The following HNRNPC variants were observed in gnomAD, a reference collection of about 807,000 sequenced individuals.
HNRNPC encodes heterogeneous nuclear ribonucleoprotein C.
HNRNPC carries 3 observed loss-of-function variants against 33.2 expected under a neutral mutation model. The observed-to-expected ratio is 0.09, with a 90% CI of 0.04 to 0.23. HNRNPC has a LOEUF of 0.23. HNRNPC is among the 10% of genes least tolerant of loss of function. The pLI is 1.00. For missense variants in HNRNPC, 143 were observed against 366.7 expected (o/e 0.39, Z 4.98); for synonymous variants, 121 against 126.7 (o/e 0.96, Z 0.30).
At chr14:21,240,663 G>C (rs932137782) in intron 2 of HNRNPC, among the ~76,000 whole-genome samples, 2 of 152,162 alleles carry the variant, frequency 1.3e-5, no homozygotes, top group African/African-American at 4.8e-5. Flanking sequence ...TCAGGTCACA[G>C]GAGATAGGTG....
intron 2 of HNRNPC, among the ~76,000 whole-genome samples, chr14:21,241,461 T>C (rs528812475): frequency 2.4e-4 from 37 of 152,334 alleles, no homozygotes; most frequent in Non-Finnish European, 4.3e-4. Flanking sequence ...CTAAATTTTC[T>C]GTATTCCAAA....
chr14:21,232,820 G>A (rs1165803444), intron 3 of HNRNPC, among the ~76,000 whole-genome samples: 1 of 152,224 alleles, frequency 6.6e-6, no homozygotes, highest in African/African-American at 2.4e-5. Flanking sequence ...AGGATCACCT[G>A]AGGTCAAGAG....
chr14:21,256,723 C>T (rs910665990), intron 2 of HNRNPC, among the ~76,000 whole-genome samples: 1 of 151,722 alleles, frequency 6.6e-6, no homozygotes, highest in Non-Finnish European at 1.5e-5. Flanking sequence ...GGTGCGATCT[C>T]GGCTCACTGC....
intron 2 of HNRNPC, among the ~76,000 whole-genome samples, chr14:21,238,590 G>C (rs1027196659): frequency 6.6e-6 from 1 of 152,070 alleles, no homozygotes; most frequent in Admixed American, 6.6e-5. Flanking sequence ...AATTTTAAAA[G>C]GTTAATCACA....
chr14:21,220,476 G>A (rs552893420), intron 5 of HNRNPC, among the ~76,000 whole-genome samples: 20 of 152,178 alleles, frequency 1.3e-4, no homozygotes, highest in Non-Finnish European at 2.4e-4. Flanking sequence ...TGATCCGCTC[G>A]CCTCGGCCTC....
chr14:21,219,463 CT>C (rs1566600264), intron 5 of HNRNPC, among the ~76,000 whole-genome samples: 1 of 152,162 alleles, frequency 6.6e-6, no homozygotes. Flanking sequence ...CAGTACCTAC[CT>C]TTGTCAAAGG....
intron 5 of HNRNPC, among the ~76,000 whole-genome samples, chr14:21,213,978 G>C (rs1378041154): frequency 1.3e-5 from 2 of 152,128 alleles, no homozygotes; most frequent in East Asian, 3.8e-4. Flanking sequence ...CCAAAGCAGT[G>C]GCTTGGTACA....
intron 1 of HNRNPC, among the ~76,000 whole-genome samples, chr14:21,267,034 T>C (rs1879103421): frequency 1.4e-5 from 2 of 138,358 alleles, no homozygotes; most frequent in African/African-American, 2.7e-5. Context: ...GAGGTTGCAG[T>C]GAACCGAGAT....
At chr14:21,251,908 GATTTTAAA>G (rs1896724697) in intron 2 of HNRNPC, among the ~76,000 whole-genome samples, 2 of 152,104 alleles carry the variant, frequency 1.3e-5, no homozygotes, top group South Asian at 4.1e-4. Context: ...ATTTGTCAGA[GATTTTAAA>G]ATTTCTAAAT....
chr14:21,232,174 T>A (rs994261867), intron 3 of HNRNPC, among the ~76,000 whole-genome samples: 1 of 152,038 alleles, frequency 6.6e-6, no homozygotes, highest in African/African-American at 2.4e-5. Flanking sequence ...AAACAAGAAT[T>A]TATCTTCTCC....
chr14:21,254,335 T>C lies in HNRNPC; in HGVS notation c.-37+8976A>G, dbSNP rs114484404. ...GTAACTACTACAAATTTTTCAGAGA[T>C]CTGTATCTACTAACATAAGCTATTC... is the stretch of plus-strand genomic sequence containing the variant. On this transcript the variant is annotated intron_variant, in intron 2 of 8. Transcript: ENST00000553300. Among the ~76,000 whole-genome samples, 1,407 of 152,182 alleles carry C rather than the reference T, an allele frequency of 9.2e-3. 29 individuals carry two copies. Among genetic ancestry groups the C allele is most frequent in the African/African-American group, 0.031 (1,268 of 41,506 alleles).
At chr14:21,262,921 A>C (rs867297109) in intron 2 of HNRNPC, 3 of 152,254 alleles carry the variant, frequency 2.0e-5, no homozygotes, top group Admixed American at 2.0e-4. Context: ...AGATGCTCTA[A>C]AACAGTTAAG....
At chr14:21,242,138 A>C (rs1439516323) in intron 2 of HNRNPC, among the ~76,000 whole-genome samples, 1 of 152,216 alleles carries the variant, frequency 6.6e-6, no homozygotes, top group Admixed American at 6.5e-5. Context: ...CAAAATTTAA[A>C]AATGGCAGGA....
intron 2 of HNRNPC, chr14:21,263,016 G>GGGTT (rs1414832906): frequency 6.6e-6 from 1 of 152,004 alleles, no homozygotes; most frequent in African/African-American, 2.4e-5. Flanking sequence ...GGCAAGGGTG[G>GGGTT]GGTTGGGAGA....
At chr14:21,226,897 G>GAAA (rs1566608876) in intron 5 of HNRNPC, among the ~76,000 whole-genome samples, 1,652 of 52,068 alleles carry the variant, frequency 0.032, 26 homozygotes, top group African/African-American at 0.04. Flanking sequence ...AAAAAAAAAG[G>GAAA]GGGGGGGGGG....
intron 2 of HNRNPC, among the ~76,000 whole-genome samples, chr14:21,255,888 A>AG (rs1315984219): frequency 6.6e-6 from 1 of 152,216 alleles, no homozygotes; most frequent in African/African-American, 2.4e-5. Context: ...CACATCACTA[A>AG]GGGGGTAGCT....
At position 21,210,159 on chromosome 14, in the gene HNRNPC, T is replaced by A. The variant is rs1465574692; in HGVS notation, c.*1064A>T. On this transcript the variant is annotated 3_prime_UTR_variant, in exon 9 of 9. Transcript: ENST00000553300. ...ACAAAATAGAAGCAGGGGGGTTCCATTATGCAGCTGTCGCCATTTTCCTGA... is the reference window on the plus strand; with the variant it reads ...ACAAAATAGAAGCAGGGGGGTTCCAATATGCAGCTGTCGCCATTTTCCTGA... The A allele has an allele frequency of 6.6e-6, 1 of 152,188 alleles. No homozygotes were observed. The highest frequency in any genetic ancestry group is 2.1e-4 in the South Asian group (1 of 4,834). 9.4% of individuals were successfully genotyped at this position (152,188 alleles called of 1,614,324 possible). A position where few individuals can be genotyped will look rare whatever the true frequency, so the allele number is the denominator to read the frequency against.
At chr14:21,238,006 G>A (rs1038937665) in intron 2 of HNRNPC, among the ~76,000 whole-genome samples, 1 of 152,090 alleles carries the variant, frequency 6.6e-6, no homozygotes, top group Admixed American at 6.6e-5. Flanking sequence ...TCTGACCTCA[G>A]GTGATCCGCC....
chr14:21,242,497 G>A (rs1412442466), intron 2 of HNRNPC, among the ~76,000 whole-genome samples: 1 of 152,106 alleles, frequency 6.6e-6, no homozygotes, highest in Non-Finnish European at 1.5e-5. Context: ...AAGATGTTAA[G>A]ACACATTATT....
Sources: allele counts gnomAD v4.1 joint callset (sites outside exome capture counted in the v4.1 genomes callset), GRCh38; gene constraint gnomAD v4.1.1; transcripts MANE v1.5; gene names NCBI Gene and HGNC (gene_info 2026-07-23, HGNC 2026-07-21).